The following RPS6KC1 variants were observed in gnomAD, a reference collection of about 807,000 sequenced individuals.
The protein encoded by RPS6KC1 is ribosomal protein S6 kinase C1.
A neutral mutation model predicts 103.8 loss-of-function variants in RPS6KC1; 54 were observed. The observed-to-expected ratio is 0.52, with a 90% CI of 0.42 to 0.65. The LOEUF is 0.65. Among genes scored for constraint, RPS6KC1 ranks in the 30% least tolerant of loss-of-function variants. RPS6KC1 has a pLI of 0.00. For synonymous variants in RPS6KC1, 439 were observed against 438.7 expected, an observed-to-expected ratio of 1.00 and a Z score of -0.01; for missense variants, 1,151 against 1,253.8, an observed-to-expected ratio of 0.92 and a Z score of 1.24.
chr1:213,561,455 G>C, the RPS6KC1 span, among the ~76,000 whole-genome samples: 1 of 152,296 alleles, frequency 6.6e-6, no homozygotes, highest in African/African-American at 2.4e-5. Flanking sequence ...CCAGAAGCAG[G>C]CTGATATTTT....
chr1:213,537,521 T>C, the RPS6KC1 span, among the ~76,000 whole-genome samples: 1 of 152,188 alleles, frequency 6.6e-6, no homozygotes, highest in African/African-American at 2.4e-5. Flanking sequence ...TTATGAAGAC[T>C]CAATGAGACA....
chr1:213,602,006 C>CT, the RPS6KC1 span, among the ~76,000 whole-genome samples: 1 of 34,510 alleles, frequency 2.9e-5, no homozygotes, highest in African/African-American at 8.6e-5. Context: ...CTTTTCTTTT[C>CT]TTTTCTTTTC....
At chr1:213,476,569 C>A in the RPS6KC1 span, among the ~76,000 whole-genome samples, 4 of 152,284 alleles carry the variant, frequency 2.6e-5, no homozygotes, top group South Asian at 8.3e-4. Flanking sequence ...CTAGCCTGTT[C>A]AGCCGTTTCA....
At chr1:213,527,803 G>A in the RPS6KC1 span, among the ~76,000 whole-genome samples, 1 of 151,972 alleles carries the variant, frequency 6.6e-6, no homozygotes, top group African/African-American at 2.4e-5. Flanking sequence ...AACTTAATTA[G>A]TAATAGCCTA....
At chr1:213,417,078 C>T in the RPS6KC1 span, among the ~76,000 whole-genome samples, 1 of 152,150 alleles carries the variant, frequency 6.6e-6, no homozygotes, top group African/African-American at 2.4e-5. Flanking sequence ...TCCCACCACC[C>T]CAGGGATGGG....
chr1:213,750,516 G>C, the RPS6KC1 span, among the ~76,000 whole-genome samples: 1 of 152,198 alleles, frequency 6.6e-6, no homozygotes, highest in African/African-American at 2.4e-5. Flanking sequence ...ACCCCAGCCA[G>C]GGTGCTGAGA....
At chr1:213,328,655 C>T in the RPS6KC1 span, among the ~76,000 whole-genome samples, 32 of 149,972 alleles carry the variant, frequency 2.1e-4, no homozygotes, top group African/African-American at 7.4e-4. Flanking sequence ...GAGAAGGGGA[C>T]GAGAATAAAA....
chr1:213,477,897 T>C, the RPS6KC1 span, among the ~76,000 whole-genome samples: 7,575 of 152,236 alleles, frequency 0.05, 610 homozygotes, highest in African/African-American at 0.17. Flanking sequence ...CAAAGTCTAT[T>C]GTTTACATTA....
chr1:213,087,653 G>T (rs1040358804), intron 3 of RPS6KC1, among the ~76,000 whole-genome samples: 1 of 151,974 alleles, frequency 6.6e-6, no homozygotes, highest in African/African-American at 2.4e-5. Context: ...TTTTTGCATT[G>T]TTGCCAGAGC....
At chr1:213,094,123 A>T (rs207461069) in intron 3 of RPS6KC1, among the ~76,000 whole-genome samples, 1 of 150,750 alleles carries the variant, frequency 6.6e-6, no homozygotes, top group East Asian at 1.9e-4. Context: ...GTGAACACAT[A>T]TATATACGTT....
intron 8 of RPS6KC1, among the ~76,000 whole-genome samples, chr1:213,221,421 C>T (rs150951002): frequency 4.6e-5 from 7 of 152,240 alleles, no homozygotes; most frequent in East Asian, 1.9e-4. Flanking sequence ...TCTTCAGTCT[C>T]TTATCTTGGG....
At chr1:213,271,620 C>T (rs866292920) in intron 14 of RPS6KC1, among the ~76,000 whole-genome samples, 5 of 151,976 alleles carry the variant, frequency 3.3e-5, no homozygotes, top group African/African-American at 4.8e-5. Context: ...AAAAATTAGC[C>T]GGGCATGGTG....
the RPS6KC1 span, among the ~76,000 whole-genome samples, chr1:213,674,009 C>T: frequency 1.3e-5 from 2 of 152,018 alleles, no homozygotes; most frequent in Non-Finnish European, 2.9e-5. Flanking sequence ...CTGGCAGCCC[C>T]CAGTGTCTAT....
the RPS6KC1 span, among the ~76,000 whole-genome samples, chr1:213,692,537 C>T: frequency 6.6e-6 from 1 of 152,120 alleles, no homozygotes; most frequent in South Asian, 2.1e-4. Flanking sequence ...CCAGGGTTGC[C>T]TTACTTCTCC....
chr1:213,480,566 CTT>C, the RPS6KC1 span, among the ~76,000 whole-genome samples: 1 of 152,020 alleles, frequency 6.6e-6, no homozygotes, highest in Non-Finnish European at 1.5e-5. Flanking sequence ...TTGGCTAAGA[CTT>C]AATATCAGGA....
At chr1:213,526,427 G>T in the RPS6KC1 span, among the ~76,000 whole-genome samples, 1 of 152,172 alleles carries the variant, frequency 6.6e-6, no homozygotes, top group Non-Finnish European at 1.5e-5. Context: ...CAGTTAGCAT[G>T]GCTGATGTTT....
chr1:213,149,697 T>TAG (rs1477460068), intron 6 of RPS6KC1, among the ~76,000 whole-genome samples: 1 of 152,184 alleles, frequency 6.6e-6, no homozygotes, highest in African/African-American at 2.4e-5. Context: ...TGATGTTTCT[T>TAG]TGTTGCTTTT....
At chr1:213,839,369 T>C in the RPS6KC1 span, among the ~76,000 whole-genome samples, 1 of 152,194 alleles carries the variant, frequency 6.6e-6, no homozygotes, top group African/African-American at 2.4e-5. Flanking sequence ...AAGGCTAGGA[T>C]TGTTGAATGT....
intron 6 of RPS6KC1, among the ~76,000 whole-genome samples, 161 bp downstream of exon 6, chr1:213,130,050 C>T (rs1409232807): frequency 6.6e-6 from 1 of 152,050 alleles, no homozygotes; most frequent in African/African-American, 2.4e-5. Flanking sequence ...ACTTTAAGTT[C>T]CTTGAGATGT....
Sources: allele counts gnomAD v4.1 joint callset (sites outside exome capture counted in the v4.1 genomes callset), GRCh38; gene constraint gnomAD v4.1.1; transcripts MANE v1.5; gene names NCBI Gene and HGNC (gene_info 2026-07-23, HGNC 2026-07-21).